The following IGF2BP3 variants were observed in gnomAD, a reference collection of about 807,000 sequenced individuals.
The protein encoded by IGF2BP3 is insulin-like growth factor 2 mRNA-binding protein 3.
In IGF2BP3, 9 loss-of-function variants were observed where a neutral mutation model predicts 73.8. That is an observed-to-expected ratio of 0.12 (90% CI 0.07 to 0.21). The LOEUF (loss-of-function observed/expected upper bound fraction) is 0.21. IGF2BP3 is among the 10% of genes least tolerant of loss of function. The probability of loss-of-function intolerance (pLI) is 1.00; values close to 1 mark genes in which losing one functional copy is unlikely to be tolerated. For missense variants in IGF2BP3, 542 were observed against 714.0 expected, an observed-to-expected ratio of 0.76 and a Z score of 2.75; for synonymous variants, 258 against 256.7, an observed-to-expected ratio of 1.01 and a Z score of -0.05.
rs1783820039 is a variant in IGF2BP3 at position 23,311,270 on chromosome 7, C to CT, written c.*1091dup. On this transcript the variant is annotated 3_prime_UTR_variant, in exon 15 of 15. Transcript: ENST00000258729. ...CATTGGTCTGAAGTGTAGTGGCAAA[C>CT]TAAGCATCCTATAAGACAAGCTAAA... 1 of 152,496 alleles carries CT rather than the reference C, an allele frequency of 6.6e-6. No individual in the cohort carries two copies. Among genetic ancestry groups the CT allele is most frequent in the Admixed American group, 6.5e-5 (1 of 15,284 alleles). The allele number at this position is 152,496 out of a possible 1,614,324, so 9.4% of individuals were successfully genotyped here.
At chr7:23,446,822 C>G (rs1788077061) in intron 2 of IGF2BP3, among the ~76,000 whole-genome samples, 1 of 152,176 alleles carries the variant, frequency 6.6e-6, no homozygotes, top group Non-Finnish European at 1.5e-5. Flanking sequence ...GTTACCACCA[C>G]TACTGAAACA....
intron 3 of IGF2BP3, among the ~76,000 whole-genome samples, chr7:23,369,376 A>T (rs1785479520): frequency 6.6e-6 from 1 of 152,156 alleles, no homozygotes; most frequent in Non-Finnish European, 1.5e-5. Context: ...TGTAAGATTC[A>T]ATCAGATCAT....
rs1302749940 is a variant in IGF2BP3, at chr7:23,468,465, C to G, written c.236+17G>C. The G allele has an allele frequency of 2.5e-6, 4 of 1,613,864 alleles. No individual in the cohort carries two copies. Among genetic ancestry groups the G allele is most frequent in the South Asian group, 1.1e-5 (1 of 91,084 alleles). ...GGAGTGAGAACAGAATCGGGGCAAA[C>G]AGAAGCAGCAGCTCACCTTTGCCTT... is the stretch of plus-strand genomic sequence containing the variant. On this transcript the variant is annotated intron_variant, in intron 2 of 14. Coordinates refer to ENST00000258729, the MANE Select transcript of IGF2BP3 (RefSeq NM_006547.3).
At chr7:23,380,598 T>C (rs1347227416) in intron 3 of IGF2BP3, among the ~76,000 whole-genome samples, 2 of 152,224 alleles carry the variant, frequency 1.3e-5, no homozygotes. Context: ...CACTATGTCT[T>C]CTTACTTCTA....
At chr7:23,434,103 A>AAG (rs1347429379) in intron 2 of IGF2BP3, among the ~76,000 whole-genome samples, 2 of 151,754 alleles carry the variant, frequency 1.3e-5, no homozygotes, top group Non-Finnish European at 1.5e-5. Context: ...AAAAAAAAAA[A>AAG]AAAAAGAAAA....
At chr7:23,444,000 CTT>C (rs1035935602) in intron 2 of IGF2BP3, among the ~76,000 whole-genome samples, 332 of 152,256 alleles carry the variant, frequency 2.2e-3, no homozygotes, top group African/African-American at 7.5e-3. Flanking sequence ...CAGAGGGAGA[CTT>C]CGTCTCAAAA....
chr7:23,424,054 G>A (rs1194451916), intron 2 of IGF2BP3, among the ~76,000 whole-genome samples: 1 of 152,032 alleles, frequency 6.6e-6, no homozygotes, highest in African/African-American at 2.4e-5. Context: ...GGAGACGGAG[G>A]TTGCAGTTAG....
chr7:23,366,053 G>A (rs912857879), intron 3 of IGF2BP3: 1 of 151,954 alleles, frequency 6.6e-6, no homozygotes, highest in African/African-American at 2.4e-5. Flanking sequence ...AATTTTCACT[G>A]CATATATTCA....
intron 3 of IGF2BP3, among the ~76,000 whole-genome samples, chr7:23,368,008 C>CAA (rs140853211): frequency 6.7e-6 from 1 of 148,672 alleles, no homozygotes; most frequent in African/African-American, 2.5e-5. Context: ...TATTTAAAAA[C>CAA]AAAAAAAAAC....
chr7:23,327,535 C>A lies in IGF2BP3; in HGVS notation c.1204-8281G>T, dbSNP rs545467372. ...TGACCTCGTGATCCGCCCGCCTCGGCCTCCCAAAGTGCTGGGATTACAGGC... is the reference window on the plus strand; with the variant it reads ...TGACCTCGTGATCCGCCCGCCTCGGACTCCCAAAGTGCTGGGATTACAGGC... On this transcript the variant is annotated intron_variant, in intron 10 of 14. Coordinates refer to ENST00000258729, the MANE Select transcript of IGF2BP3 (RefSeq NM_006547.3). 1.1e-3 allele frequency among the ~76,000 whole-genome samples: 174 copies of A among 152,250 alleles called. 1 individual carries two copies. Among genetic ancestry groups the A allele is most frequent in the African/African-American group, 3.9e-3 (160 of 41,530 alleles).
At chr7:23,389,701 A>G (rs1786207815) in intron 3 of IGF2BP3, among the ~76,000 whole-genome samples, 1 of 152,078 alleles carries the variant, frequency 6.6e-6, no homozygotes, top group African/African-American at 2.4e-5. Flanking sequence ...AGAGTCAAAA[A>G]TAAATGGTCA....
intron 12 of IGF2BP3, among the ~76,000 whole-genome samples, chr7:23,317,039 T>G (rs996675857): frequency 2.8e-4 from 43 of 152,212 alleles, no homozygotes; most frequent in African/African-American, 9.4e-4. Context: ...GAGCTAGGAT[T>G]TGAACTAGCA....
In IGF2BP3 at chr7:23,310,767, T is replaced by C. The variant is rs959559284; in HGVS notation, c.*1595A>G. On this transcript the variant is annotated 3_prime_UTR_variant, in exon 15 of 15. Transcript: ENST00000258729. ...CATCTAGTCTGTATAGAAATTCATC[T>C]TGAAATAAGAATGAGGCAGTGATTT... 1 of 151,852 alleles carries C rather than the reference T, an allele frequency of 6.6e-6. No individual in the cohort carries two copies. Among genetic ancestry groups the C allele is most frequent in the Non-Finnish European group, 1.5e-5 (1 of 68,036 alleles). 9.4% of individuals were successfully genotyped at this position (151,852 alleles called of 1,614,324 possible). A position where few individuals can be genotyped will look rare whatever the true frequency, so the allele number is the denominator to read the frequency against.
chr7:23,394,339 T>C (rs1275684205), intron 3 of IGF2BP3, among the ~76,000 whole-genome samples: 1 of 152,110 alleles, frequency 6.6e-6, no homozygotes, highest in African/African-American at 2.4e-5. Flanking sequence ...TGGTGGCACG[T>C]ACCTGTAGTC....
At chr7:23,448,637 G>A (rs1328065139) in intron 2 of IGF2BP3, among the ~76,000 whole-genome samples, 2 of 151,492 alleles carry the variant, frequency 1.3e-5, no homozygotes, top group African/African-American at 2.4e-5. Flanking sequence ...TTGTTTGTTT[G>A]TTTGTTTTTT....
At chr7:23,372,069 T>A (rs538145367) in intron 3 of IGF2BP3, among the ~76,000 whole-genome samples, 56 of 151,970 alleles carry the variant, frequency 3.7e-4, no homozygotes, top group Non-Finnish European at 5.4e-4. Flanking sequence ...GTTACATGAA[T>A]AAGTTTTTTT....
At chr7:23,426,140 A>G (rs536280172) in intron 2 of IGF2BP3, among the ~76,000 whole-genome samples, 20 of 152,060 alleles carry the variant, frequency 1.3e-4, no homozygotes, top group Non-Finnish European at 2.5e-4. Context: ...CAGCCTGGCC[A>G]ACATCGTGAA....
At chr7:23,356,860 C>A (rs191282895) in intron 5 of IGF2BP3, among the ~76,000 whole-genome samples, 4 of 152,184 alleles carry the variant, frequency 2.6e-5, no homozygotes, top group Admixed American at 1.3e-4. Context: ...CAAAACAAAA[C>A]GGTATGGGCA....
chr7:23,461,121 A>T (rs1039632828), intron 2 of IGF2BP3, among the ~76,000 whole-genome samples: 6 of 151,906 alleles, frequency 3.9e-5, no homozygotes, highest in African/African-American at 1.5e-4. Context: ...TCATCCATCT[A>T]CATCACTCTC....
Sources: allele counts gnomAD v4.1 joint callset (sites outside exome capture counted in the v4.1 genomes callset), GRCh38; gene constraint gnomAD v4.1.1; transcripts MANE v1.5; gene names NCBI Gene and HGNC (gene_info 2026-07-23, HGNC 2026-07-21).